The following PSME3IP1 variants were observed in gnomAD, a reference collection of about 807,000 sequenced individuals.
PSME3IP1 encodes proteasome activator subunit 3 interacting protein 1.
A neutral mutation model predicts 34.1 loss-of-function variants in PSME3IP1; 13 were observed. That is an observed-to-expected ratio of 0.38 (90% CI 0.25 to 0.61). PSME3IP1 has a LOEUF of 0.61. Ranked by LOEUF, PSME3IP1 falls within the 20% of genes least tolerant of loss-of-function variation. The pLI, the probability that PSME3IP1 is intolerant of heterozygous loss-of-function variation, is 0.60. For missense variants in PSME3IP1, 237 were observed against 301.4 expected, an observed-to-expected ratio of 0.79 and a Z score of 1.58; for synonymous variants, 93 against 114.3, an observed-to-expected ratio of 0.81 and a Z score of 1.19.
chr16:57,165,656 C>T (rs574584984), intron 5 of PSME3IP1, among the ~76,000 whole-genome samples: 4 of 152,264 alleles, frequency 2.6e-5, no homozygotes, highest in Middle Eastern at 3.4e-3. Context: ...GCAAGGCCTG[C>T]GAATATAAAT....
chr16:57,154,258 G>A lies in PSME3IP1; in HGVS notation c.*32C>T, dbSNP rs1379801489. 2 of 1,599,948 alleles carry A rather than the reference G, an allele frequency of 1.3e-6. No homozygotes were observed. The highest frequency in any genetic ancestry group is 2.7e-5 in the African/African-American group (2 of 74,658). ...AGCATGAACGGTCCGATCTACCCTT[G>A]GGGAGGAGCTCCCTGTGTAGGGACG... On this transcript the variant is annotated 3_prime_UTR_variant, in exon 7 of 7. Coordinates refer to ENST00000309137, the MANE Select transcript of PSME3IP1 (RefSeq NM_024946.4). This position sits in a 1 kb window ranked among gnomAD's most constrained non-coding sequence, Gnocchi z 4.0.
intron 1 of PSME3IP1, among the ~76,000 whole-genome samples, chr16:57,177,304 C>T (rs1363169328): frequency 1.3e-5 from 2 of 152,156 alleles, no homozygotes; most frequent in East Asian, 3.9e-4. Flanking sequence ...GCCTCAGCCT[C>T]CCGAATAGCT....
chr16:57,158,098 A>G (rs1271054045), intron 6 of PSME3IP1, among the ~76,000 whole-genome samples: 1 of 152,200 alleles, frequency 6.6e-6, no homozygotes, highest in African/African-American at 2.4e-5. Flanking sequence ...AATGCAGGAA[A>G]ATGTGTCAGA....
At chr16:57,173,891 A>C in intron 1 of PSME3IP1, 22 bp from the exon 2 acceptor site, 1 of 1,586,978 alleles carries the variant, frequency 6.3e-7, no homozygotes, top group South Asian at 1.1e-5. Context: ...AAACAAAAAC[A>C]AAAAAAATCA....
intron 6 of PSME3IP1, among the ~76,000 whole-genome samples, chr16:57,155,817 A>C (rs1225695660): frequency 6.6e-6 from 1 of 152,074 alleles, no homozygotes; most frequent in Non-Finnish European, 1.5e-5. Flanking sequence ...AAAAAAAACA[A>C]AAAAACTAGT....
In PSME3IP1 at chr16:57,168,727, C is replaced by T. The variant is rs1400916520; in HGVS notation, c.349-1501G>A. ...CTGAGCCAGGAGAATCGCTTGAACCCGGGAGGCAGAGATTGTGGTGAGCTG... is the reference window on the plus strand; with the variant it reads ...CTGAGCCAGGAGAATCGCTTGAACCTGGGAGGCAGAGATTGTGGTGAGCTG... On this transcript the variant is annotated intron_variant, in intron 4 of 6. Coordinates refer to ENST00000309137, the MANE Select transcript of PSME3IP1 (RefSeq NM_024946.4). 6.6e-5 allele frequency among the ~76,000 whole-genome samples: 9 copies of T among 137,344 alleles called. No homozygotes were observed. The Admixed American group carries it at 6.7e-4, about 10-fold the overall frequency. 90.1% of individuals were successfully genotyped at this position (137,344 alleles called of 152,430 possible).
rs550199855 is a variant in PSME3IP1, at chr16:57,182,612, A to ATTTT, written c.-16+3205_-16+3208dup. ...CAATAACCAGACAAGGCCAACTAAG[A>ATTTT]TTTTTTTTTTTTTTTTTTTTGGCGC... is the stretch of plus-strand genomic sequence containing the variant. On this transcript the variant is annotated intron_variant, in intron 1 of 6. Coordinates refer to ENST00000309137, the MANE Select transcript of PSME3IP1 (RefSeq NM_024946.4). Among the ~76,000 whole-genome samples, 178 of 105,214 alleles carry ATTTT rather than the reference A, an allele frequency of 1.7e-3. 3 individuals are homozygous for ATTTT. Among genetic ancestry groups the ATTTT allele is most frequent in the African/African-American group, 6.5e-3 (174 of 26,770 alleles). 69.0% of individuals were successfully genotyped at this position (105,214 alleles called of 152,430 possible). A position where few individuals can be genotyped will look rare whatever the true frequency, so the allele number is the denominator to read the frequency against.
intron 1 of PSME3IP1, among the ~76,000 whole-genome samples, chr16:57,177,471 C>T (rs1195322077): frequency 7.3e-5 from 11 of 151,540 alleles, no homozygotes; most frequent in Middle Eastern, 3.4e-3. Flanking sequence ...GGGTTATAGG[C>T]ATGAGCCACT....
At chr16:57,177,388 T>A (rs1230457655) in intron 1 of PSME3IP1, among the ~76,000 whole-genome samples, 1 of 149,116 alleles carries the variant, frequency 6.7e-6, no homozygotes, top group Non-Finnish European at 1.5e-5. Context: ...GGTTTCACCA[T>A]GTTGCCCAGG....
chr16:57,175,336 C>G (rs2073081483), intron 1 of PSME3IP1, among the ~76,000 whole-genome samples: 1 of 152,046 alleles, frequency 6.6e-6, no homozygotes, highest in South Asian at 2.1e-4. Flanking sequence ...TAAACTAAAC[C>G]TCTGTTTTTC....
intron 1 of PSME3IP1, among the ~76,000 whole-genome samples, chr16:57,183,037 A>G (rs1182852693): frequency 6.6e-6 from 1 of 152,242 alleles, no homozygotes; most frequent in African/African-American, 2.4e-5. Flanking sequence ...GTTGGCACAC[A>G]GCAATTTAAG....
intron 1 of PSME3IP1, among the ~76,000 whole-genome samples, chr16:57,177,747 C>T (rs1252472071): frequency 2.6e-5 from 4 of 152,116 alleles, no homozygotes; most frequent in Admixed American, 2.0e-4. Context: ...CATGGTGGCT[C>T]ATGCCTATAA....
intron 6 of PSME3IP1, 45 bp downstream of exon 6, chr16:57,163,956 C>A: frequency 1.3e-6 from 2 of 1,551,678 alleles, no homozygotes; most frequent in South Asian, 1.1e-5. Flanking sequence ...TACTGTGGTT[C>A]ATGTGTATTC....
At chr16:57,166,566 C>T (rs1188817703) in intron 5 of PSME3IP1, among the ~76,000 whole-genome samples, 8 of 152,180 alleles carry the variant, frequency 5.3e-5, no homozygotes, top group South Asian at 2.1e-4. Flanking sequence ...ACCTCCCCAA[C>T]ATGAAGATGC....
Position 57,154,573 on chromosome 16 carries a change from T to C in PSME3IP1, c.548-66A>G, listed in dbSNP as rs921901652. On this transcript the variant is annotated intron_variant, in intron 6 of 6. Transcript: ENST00000309137. The surrounding 1 kb of genome is among the most constrained non-coding windows in gnomAD (Gnocchi z 4.0). ...TCCAAAGTTGGGGACTGACTTACCATGTGCCAGGCACTGTACCAAGGGATT... is the reference window on the plus strand; with the variant it reads ...TCCAAAGTTGGGGACTGACTTACCACGTGCCAGGCACTGTACCAAGGGATT... The C allele has an allele frequency of 2.2e-6, 3 of 1,374,720 alleles. No homozygotes were observed. The highest frequency in any genetic ancestry group is 1.4e-5 in the South Asian group (1 of 71,606). The allele number at this position is 1,374,720 out of a possible 1,614,324, so 85.2% of individuals were successfully genotyped here. A position where few individuals can be genotyped will look rare whatever the true frequency, so the allele number is the denominator to read the frequency against.
At chr16:57,156,872 T>G (rs1444753269) in intron 6 of PSME3IP1, among the ~76,000 whole-genome samples, 2 of 152,212 alleles carry the variant, frequency 1.3e-5, no homozygotes, top group African/African-American at 4.8e-5. Context: ...ACAGAGAAAT[T>G]TGGCAAAGTT....
chr16:57,177,671 C>A (rs1303797470), intron 1 of PSME3IP1, among the ~76,000 whole-genome samples: 1 of 152,188 alleles, frequency 6.6e-6, no homozygotes, highest in Non-Finnish European at 1.5e-5. Flanking sequence ...CACAGTCACA[C>A]TGTCAAAACT....
intron 1 of PSME3IP1, among the ~76,000 whole-genome samples, chr16:57,176,521 G>A (rs1378323796): frequency 2.0e-5 from 3 of 152,160 alleles, no homozygotes; most frequent in Admixed American, 6.5e-5. Flanking sequence ...TTGACTGTTA[G>A]GATAGTTCTT....
chr16:57,174,183 A>T (rs944315749), intron 1 of PSME3IP1: 10 of 219,678 alleles, frequency 4.6e-5, no homozygotes, highest in Admixed American at 3.9e-4. Context: ...AATCCCAGCT[A>T]CTCAGGAGGC....
Sources: allele counts gnomAD v4.1 joint callset (sites outside exome capture counted in the v4.1 genomes callset), GRCh38; gene constraint gnomAD v4.1.1; non-coding constraint Gnocchi (gnomAD v3.1); transcripts MANE v1.5; gene names NCBI Gene and HGNC (gene_info 2026-07-23, HGNC 2026-07-21).